Variants in RSRC1 observed in about 807,000 individuals in gnomAD.
RSRC1 encodes arginine and serine rich coiled-coil 1.
In RSRC1, 39 loss-of-function variants were observed where a neutral mutation model predicts 49.1. That is an observed-to-expected ratio of 0.79 (90% CI 0.61 to 1.04). The LOEUF (loss-of-function observed/expected upper bound fraction) is 1.04. RSRC1 is among the 50% of genes least tolerant of loss of function. The pLI, the probability that RSRC1 is intolerant of heterozygous loss-of-function variation, is 0.00. For synonymous variants in RSRC1, 143 were observed against 130.8 expected (o/e 1.09, Z -0.63); for missense variants, 388 against 402.4 (o/e 0.96, Z 0.31).
chr3:158,293,292 A>ATGTG (rs1261710807), intron 4 of RSRC1, among the ~76,000 whole-genome samples: 2 of 152,022 alleles, frequency 1.3e-5, no homozygotes, highest in African/African-American at 2.4e-5. Flanking sequence ...ATACATACAT[A>ATGTG]TGTGTACGTA....
At chr3:158,172,027 AAG>A (rs1718910185) in intron 3 of RSRC1, among the ~76,000 whole-genome samples, 1 of 152,156 alleles carries the variant, frequency 6.6e-6, no homozygotes, top group Non-Finnish European at 1.5e-5. Context: ...CAATGAAAAA[AAG>A]AATTTAAAAA....
chr3:158,331,769 T>C (rs1398074788), intron 5 of RSRC1, among the ~76,000 whole-genome samples: 1 of 151,638 alleles, frequency 6.6e-6, no homozygotes, highest in Admixed American at 6.6e-5. Context: ...AAACAAAATA[T>C]ATGCAAAAAA....
chr3:158,216,537 T>C (rs1721956121), intron 4 of RSRC1, among the ~76,000 whole-genome samples: 1 of 151,696 alleles, frequency 6.6e-6, no homozygotes, highest in African/African-American at 2.4e-5. Context: ...ATGGATTCAT[T>C]TCTGTTGCCT....
intron 7 of RSRC1, among the ~76,000 whole-genome samples, chr3:158,536,603 T>G (rs1712724494): frequency 6.6e-6 from 1 of 151,562 alleles, no homozygotes; most frequent in South Asian, 2.1e-4. Context: ...ATTTAAGTTC[T>G]TATCTGTTGG....
chr3:158,396,693 G>C (rs1320239), intron 6 of RSRC1, among the ~76,000 whole-genome samples: 20,478 of 152,032 alleles, frequency 0.13, 1,498 homozygotes, highest in Middle Eastern at 0.2. Flanking sequence ...GTAAAATTGA[G>C]TTTAGGATAT....
chr3:158,479,051 G>T (rs1738504146), intron 7 of RSRC1, among the ~76,000 whole-genome samples: 1 of 149,990 alleles, frequency 6.7e-6, no homozygotes, highest in Non-Finnish European at 1.5e-5. Flanking sequence ...TTTTGTATGT[G>T]TATTTTTGGA....
At chr3:158,131,164 C>T (rs1226645684) in intron 3 of RSRC1, among the ~76,000 whole-genome samples, 1 of 151,026 alleles carries the variant, frequency 6.6e-6, no homozygotes, top group East Asian at 1.9e-4. Flanking sequence ...TTTTATTATA[C>T]TTTAAGTTCT....
intron 4 of RSRC1, among the ~76,000 whole-genome samples, chr3:158,246,171 C>T (rs1723877096): frequency 6.6e-6 from 1 of 150,958 alleles, no homozygotes; most frequent in Non-Finnish European, 1.5e-5. Flanking sequence ...ACCGCATGCT[C>T]TCACTCATAG....
At chr3:158,421,100 G>A (rs60050963) in intron 6 of RSRC1, among the ~76,000 whole-genome samples, 6 of 151,834 alleles carry the variant, frequency 4.0e-5, no homozygotes, top group African/African-American at 1.2e-4. Flanking sequence ...TAGACTTTCA[G>A]TGTTGAAATC....
At chr3:158,180,494 G>A (rs577207065) in intron 3 of RSRC1, among the ~76,000 whole-genome samples, 34 of 131,952 alleles carry the variant, frequency 2.6e-4, no homozygotes, top group South Asian at 5.1e-4. Flanking sequence ...TTGAGGCACG[G>A]TCTCATTCTG....
intron 3 of RSRC1, among the ~76,000 whole-genome samples, chr3:158,125,140 A>T (rs1440844542): frequency 1.3e-5 from 2 of 151,636 alleles, no homozygotes; most frequent in Non-Finnish European, 2.9e-5. Context: ...TAATCTAACT[A>T]AGTACTTGTT....
At chr3:158,293,813 C>A (rs1252636527) in intron 4 of RSRC1, among the ~76,000 whole-genome samples, 7 of 152,014 alleles carry the variant, frequency 4.6e-5, no homozygotes, top group African/African-American at 1.7e-4. Flanking sequence ...GTTCACAGTT[C>A]TTTTCCTGTA....
intron 3 of RSRC1, among the ~76,000 whole-genome samples, chr3:158,145,520 T>C (rs926200029): frequency 3.3e-5 from 5 of 152,238 alleles, no homozygotes; most frequent in Non-Finnish European, 7.3e-5. Flanking sequence ...TACCATGCTG[T>C]TTTGGTTACT....
At chr3:158,354,198 C>G (rs1398434928) in intron 5 of RSRC1, among the ~76,000 whole-genome samples, 1 of 151,916 alleles carries the variant, frequency 6.6e-6, no homozygotes, top group Non-Finnish European at 1.5e-5. Context: ...ACCATGTTGG[C>G]CAGGATGGTC....
chr3:158,146,161 CTA>C (rs749903061), intron 3 of RSRC1, among the ~76,000 whole-genome samples: 40 of 152,296 alleles, frequency 2.6e-4, no homozygotes, highest in Non-Finnish European at 5.0e-4. Context: ...ACTTCCAACA[CTA>C]TGTTGAATAG....
At chr3:158,406,561 T>C (rs56303915) in intron 6 of RSRC1, among the ~76,000 whole-genome samples, 20,493 of 152,140 alleles carry the variant, frequency 0.13, 1,499 homozygotes, top group Middle Eastern at 0.2. Flanking sequence ...GCCCTCTCTC[T>C]AGGCTTTTAA....
At chr3:158,376,903 C>G (rs1314120906) in intron 6 of RSRC1, among the ~76,000 whole-genome samples, 1 of 152,122 alleles carries the variant, frequency 6.6e-6, no homozygotes. Flanking sequence ...TGTTTGTTGG[C>G]AAATGTACCA....
intron 4 of RSRC1, among the ~76,000 whole-genome samples, chr3:158,228,925 T>C (rs1246824924): frequency 6.8e-6 from 1 of 146,100 alleles, no homozygotes; most frequent in Non-Finnish European, 1.5e-5. Context: ...TATGTGTGTA[T>C]AAACACACAT....
At chr3:158,470,253 G>T (rs777819438) in intron 7 of RSRC1, among the ~76,000 whole-genome samples, 4 of 151,338 alleles carry the variant, frequency 2.6e-5, no homozygotes, top group Non-Finnish European at 4.4e-5. Context: ...TTTAGAGTGG[G>T]TATCCAAGAA....
Sources: gnomAD v4.1 joint callset for allele counts (sites outside exome capture counted in the v4.1 genomes callset) on GRCh38, gnomAD v4.1.1 for gene constraint, MANE v1.5 for transcripts, NCBI Gene and HGNC (gene_info 2026-07-23, HGNC 2026-07-21) for gene names.